The following CDH7 variants were observed in gnomAD, a reference collection of about 807,000 sequenced individuals.
The protein encoded by CDH7 is cadherin 7, also known as cadherin-7.
In CDH7, 25 loss-of-function variants were observed where a neutral mutation model predicts 71.8. That is an observed-to-expected ratio of 0.35 (90% confidence interval 0.25 to 0.49). The LOEUF is 0.49. Ranked by LOEUF, CDH7 falls within the 20% of genes least tolerant of loss-of-function variation. CDH7 has a pLI of 0.99. For missense variants in CDH7, 862 were observed against 974.6 expected, an observed-to-expected ratio of 0.88 and a Z score of 1.54; for synonymous variants, 381 against 363.8, an observed-to-expected ratio of 1.05 and a Z score of -0.54.
In CDH7 at chr18:65,857,359, AAT is replaced by A. The variant is rs200037977; in HGVS notation, c.1236-455_1236-454del. Reference sequence around the variant, plus strand: ...TAATAATAATAATAATAATAATAATAATAAAATAGCCAAATATGGTGGTGCAT... The same window carrying A: ...TAATAATAATAATAATAATAATAATAAAAATAGCCAAATATGGTGGTGCAT... On this transcript the variant is annotated intron_variant, in intron 7 of 11. Coordinates refer to ENST00000397968, the MANE Select transcript of CDH7 (RefSeq NM_004361.5). Among the ~76,000 whole-genome samples the A allele has an allele frequency of 1.3e-3, 156 of 120,400 alleles. 1 individual carries two copies. The highest frequency in any genetic ancestry group is 4.7e-3 in the African/African-American group (130 of 27,900). 79.0% of individuals were successfully genotyped at this position (120,400 alleles called of 152,430 possible). A position where few individuals can be genotyped will look rare whatever the true frequency, so the allele number is the denominator to read the frequency against.
chr18:65,809,585 T>A, intron 2 of CDH7, 119 bp from the exon 3 acceptor site: 1 of 815,010 alleles, frequency 1.2e-6, no homozygotes, highest in Non-Finnish European at 2.0e-6. Context: ...GTTCAGCTTA[T>A]CTTTCCAAGA....
At chr18:65,811,283 C>T (rs532517185) in intron 3 of CDH7, among the ~76,000 whole-genome samples, 1 of 151,872 alleles carries the variant, frequency 6.6e-6, no homozygotes, top group African/African-American at 2.4e-5. Context: ...ATCATGTGTG[C>T]TCTTAAGGGG....
At chr18:65,844,137 G>A (rs1182281022) in intron 7 of CDH7, 72 bp downstream of exon 7, 7 of 1,183,780 alleles carry the variant, frequency 5.9e-6, no homozygotes, top group South Asian at 1.3e-5. Context: ...CTTATTTTAC[G>A]CTCTGATGTT....
At chr18:65,824,272 G>C (rs1439660436) in intron 5 of CDH7, among the ~76,000 whole-genome samples, 1 of 150,688 alleles carries the variant, frequency 6.6e-6, no homozygotes, top group African/African-American at 2.4e-5. Flanking sequence ...TTATTTCTTA[G>C]TATTTTACAC....
chr18:65,876,631 G>A (rs764764725), intron 11 of CDH7, among the ~76,000 whole-genome samples: 1 of 152,082 alleles, frequency 6.6e-6, no homozygotes, highest in Non-Finnish European at 1.5e-5. Context: ...TTTCTCATCT[G>A]TATCTATTTC....
At chr18:65,778,790 A>G (rs1260054012) in intron 2 of CDH7, among the ~76,000 whole-genome samples, 1 of 151,446 alleles carries the variant, frequency 6.6e-6, no homozygotes, top group African/African-American at 2.4e-5. Context: ...TGGTTTTCTG[A>G]AATTTTACAG....
chr18:65,840,448 C>T (rs1912689230), intron 6 of CDH7, among the ~76,000 whole-genome samples: 1 of 151,746 alleles, frequency 6.6e-6, no homozygotes, highest in Non-Finnish European at 1.5e-5. Flanking sequence ...TAAGTATGCA[C>T]TTATATGTAT....
chr18:65,861,797 G>T (rs780719151), intron 10 of CDH7, among the ~76,000 whole-genome samples: 1 of 152,020 alleles, frequency 6.6e-6, no homozygotes, highest in Non-Finnish European at 1.5e-5. Flanking sequence ...TTGGAAGAGA[G>T]AAAAATAGAT....
intron 6 of CDH7, among the ~76,000 whole-genome samples, chr18:65,827,342 A>T (rs1233624704): frequency 6.6e-6 from 1 of 151,884 alleles, no homozygotes; most frequent in South Asian, 2.1e-4. Context: ...GTGGTGAAAA[A>T]TTTCATAATA....
chr18:65,838,364 A>G (rs1321348694), intron 6 of CDH7, among the ~76,000 whole-genome samples: 2 of 152,262 alleles, frequency 1.3e-5, no homozygotes, highest in South Asian at 2.1e-4. Context: ...ATTGAAAGCT[A>G]CAAAATATAC....
chr18:65,880,686 A>C lies in CDH7; in HGVS notation c.2150A>C (p.Glu717Ala). Residue 717 changes from glutamate to alanine, a missense_variant, in exon 12 of 12, where the codon GAA becomes GCA. Glu to Ala is a moderately radical substitution (Grantham distance 107). Coordinates refer to ENST00000397968, the MANE Select transcript of CDH7 (RefSeq NM_004361.5). Reference protein sequence around the residue: ...FREFIWERLKEADVDPGAPPY... With the variant: ...FREFIWERLKAADVDPGAPPY... ...GAATTTATTTGGGAAAGATTAAAAGAAGCCGATGTTGATCCTGGTGCTCCT... is the reference window on the plus strand; with the variant it reads ...GAATTTATTTGGGAAAGATTAAAAGCAGCCGATGTTGATCCTGGTGCTCCT... 6.2e-7 allele frequency: 1 copy of C among 1,614,102 alleles called. No individual in the cohort carries two copies. The highest frequency in any genetic ancestry group is 8.5e-7 in the Non-Finnish European group (1 of 1,180,010).
chr18:65,766,044 G>T (rs2143795648), intron 2 of CDH7, among the ~76,000 whole-genome samples: 1 of 152,100 alleles, frequency 6.6e-6, no homozygotes, highest in African/African-American at 2.4e-5. Flanking sequence ...AATGTTATCT[G>T]TGTGATTCCT....
At chr18:65,778,050 A>G (rs1598996450) in intron 2 of CDH7, among the ~76,000 whole-genome samples, 1 of 152,208 alleles carries the variant, frequency 6.6e-6, no homozygotes, top group African/African-American at 2.4e-5. Context: ...AGGCGGGTGG[A>G]TCATGAGGTT....
At chr18:65,834,381 T>C (rs1202265250) in intron 6 of CDH7, among the ~76,000 whole-genome samples, 2 of 152,160 alleles carry the variant, frequency 1.3e-5, no homozygotes, top group African/African-American at 4.8e-5. Context: ...TATATGCACA[T>C]GCATGGCAAT....
At chr18:65,762,505 T>A (rs1462241861) in intron 1 of CDH7, 142 bp from the exon 2 acceptor site, 1 of 155,286 alleles carries the variant, frequency 6.4e-6, no homozygotes, top group African/African-American at 2.4e-5. Flanking sequence ...TAATTAATAT[T>A]TTAATTACAC....
intron 2 of CDH7, among the ~76,000 whole-genome samples, chr18:65,769,040 GT>G (rs1353043125): frequency 6.6e-6 from 1 of 151,924 alleles, no homozygotes; most frequent in Non-Finnish European, 1.5e-5. Context: ...TCACAGTCTG[GT>G]TGATAAGCCA....
chr18:65,794,206 G>T (rs1910823205), intron 2 of CDH7, among the ~76,000 whole-genome samples: 1 of 151,354 alleles, frequency 6.6e-6, no homozygotes, highest in African/African-American at 2.4e-5. Context: ...ATAAGATTAT[G>T]GTGTACATTA....
chr18:65,763,790 T>G (rs1357062759), intron 2 of CDH7, among the ~76,000 whole-genome samples: 1 of 152,110 alleles, frequency 6.6e-6, no homozygotes, highest in Non-Finnish European at 1.5e-5. Flanking sequence ...TTCTTCTGTC[T>G]TAATATTTGA....
At position 65,859,009 on chromosome 18, in the gene CDH7, A is replaced by C. The variant is rs1913466579; in HGVS notation, c.1457A>C (p.Tyr486Ser). The change falls in exon 9 of 12, where the codon TAT (tyrosine) becomes TCT (serine). Residue 486 changes from tyrosine to serine, a missense_variant. Physicochemically the swap from Tyr to Ser is moderately radical, Grantham distance 144 (BLOSUM62 -2). Coordinates refer to ENST00000397968, the MANE Select transcript of CDH7 (RefSeq NM_004361.5). ...AACGCCCCTGAATTTGCCATGGACT[A>C]TGAGACCACCGTCTGTGAAAATGCC... ...NDNAPEFAMD[Y>S]ETTVCENAQP... The C allele has an allele frequency of 6.2e-7, 1 of 1,613,524 alleles. No homozygotes were observed. Among genetic ancestry groups the C allele is most frequent in the African/African-American group, 1.3e-5 (1 of 74,910 alleles).
Sources: gnomAD v4.1 joint callset for allele counts (sites outside exome capture counted in the v4.1 genomes callset) on GRCh38, gnomAD v4.1.1 for gene constraint, MANE v1.5 for transcripts, NCBI Gene and HGNC (gene_info 2026-07-23, HGNC 2026-07-21) for gene names.